The following DPP8 variants were observed in gnomAD, a reference collection of about 807,000 sequenced individuals.
DPP8 encodes the protein dipeptidyl peptidase 8, also known as DPP VIII.
DPP8 carries 31 observed loss-of-function variants against 107.5 expected under a neutral mutation model. That is an observed-to-expected ratio of 0.29 (90% CI 0.22 to 0.39). The LOEUF is 0.39. Ranked by LOEUF, DPP8 falls within the 10% of genes least tolerant of loss-of-function variation. The pLI is 1.00. For missense variants in DPP8, 842 were observed against 1,076.1 expected (o/e 0.78, Z 3.04); for synonymous variants, 381 against 356.6 (o/e 1.07, Z -0.77).
intron 15 of DPP8, among the ~76,000 whole-genome samples, chr15:65,461,342 T>A (rs1367888572): frequency 1.3e-5 from 2 of 152,028 alleles, no homozygotes; most frequent in African/African-American, 4.8e-5. Flanking sequence ...GGGGTCTCAC[T>A]TTGTTGCTCA....
At chr15:65,497,046 ATTCC>A (rs2068676139) in intron 5 of DPP8, among the ~76,000 whole-genome samples, 1 of 151,968 alleles carries the variant, frequency 6.6e-6, no homozygotes, top group Non-Finnish European at 1.5e-5. Context: ...GTGCACCACC[ATTCC>A]GGCTAATTTT....
intron 19 of DPP8, among the ~76,000 whole-genome samples, chr15:65,448,044 T>C (rs973719880): frequency 6.6e-6 from 1 of 152,132 alleles, no homozygotes; most frequent in Non-Finnish European, 1.5e-5. Flanking sequence ...CACTTTACTG[T>C]GACAGAGTAT....
At chr15:65,457,068 T>C (rs1362755215) in intron 15 of DPP8, among the ~76,000 whole-genome samples, 2 of 152,178 alleles carry the variant, frequency 1.3e-5, no homozygotes, top group African/African-American at 4.8e-5. Context: ...AAAGTCATAC[T>C]TTTGGGCTGA....
chr15:65,516,985 A>C (rs2071523714), intron 1 of DPP8: 1 of 152,716 alleles, frequency 6.5e-6, no homozygotes, highest in African/African-American at 2.4e-5. Context: ...GGTGGAACAG[A>C]ATGGGAGAGG....
At chr15:65,493,793 A>G (rs1176619214) in intron 5 of DPP8, among the ~76,000 whole-genome samples, 5 of 152,098 alleles carry the variant, frequency 3.3e-5, no homozygotes, top group Admixed American at 1.3e-4. Context: ...ATTACTTTTA[A>G]ATTCCTCTAT....
At chr15:65,464,818 A>G (rs2065202495) in intron 14 of DPP8, among the ~76,000 whole-genome samples, 1 of 152,198 alleles carries the variant, frequency 6.6e-6, no homozygotes, top group Non-Finnish European at 1.5e-5. Flanking sequence ...AGAACTATAC[A>G]GATACTTTAT....
rs2066926962 is a variant in DPP8, at chr15:65,481,564, C to G, written c.1069G>C (p.Glu357Gln). ...GCTCTGGCAATATATTCAACTCCTT[C>G]AAATAGAATCTCAAAAGGTTGAATT... is the stretch of plus-strand genomic sequence containing the variant. ...ELIQPFEILF[E>Q]GVEYIARAGW... The change falls in exon 9 of 20, where the codon GAA becomes CAA. Residue 357 changes from glutamate (E) to glutamine (Q), a missense_variant. This residue lies in a region of DPP8 where 663 missense variants were observed against 758.0 expected (regional missense o/e 0.87). Coordinates refer to ENST00000300141, the MANE Select transcript of DPP8 (RefSeq NM_130434.5). 1 of 1,592,200 alleles carries G rather than the reference C, an allele frequency of 6.3e-7. No individual in the cohort carries two copies. The highest frequency in any genetic ancestry group is 8.5e-7 in the Non-Finnish European group (1 of 1,171,462).
intron 3 of DPP8, among the ~76,000 whole-genome samples, chr15:65,503,322 T>C (rs1596105137): frequency 6.6e-6 from 1 of 152,182 alleles, no homozygotes; most frequent in South Asian, 2.1e-4. Flanking sequence ...ATGAGGCTGG[T>C]CTCAAACTCC....
chr15:65,470,710 C>T (rs1043505820), intron 12 of DPP8, among the ~76,000 whole-genome samples: 7 of 151,276 alleles, frequency 4.6e-5, no homozygotes, highest in Admixed American at 6.6e-5. Context: ...CCTGAGGTCA[C>T]GGGTTCAAGA....
At chr15:65,483,379 G>T (rs1480843979) in intron 8 of DPP8, among the ~76,000 whole-genome samples, 1 of 151,764 alleles carries the variant, frequency 6.6e-6, no homozygotes, top group Non-Finnish European at 1.5e-5. Context: ...AAAATTAGCG[G>T]GGCATGGTGG....
chr15:65,513,534 A>C (rs2071071588), intron 1 of DPP8, among the ~76,000 whole-genome samples: 1 of 152,222 alleles, frequency 6.6e-6, no homozygotes, highest in Admixed American at 6.5e-5. Context: ...ATTTTAAGGA[A>C]ATTTACATGA....
chr15:65,499,855 C>T (rs1212465750), intron 4 of DPP8, among the ~76,000 whole-genome samples: 1 of 152,146 alleles, frequency 6.6e-6, no homozygotes. Context: ...TGTGAGCCAC[C>T]ACGTCTGACC....
At chr15:65,475,331 C>G in intron 11 of DPP8, 3 of 1,133,728 alleles carry the variant, frequency 2.6e-6, no homozygotes, top group Non-Finnish European at 3.9e-6. Flanking sequence ...GCTGCTGCCC[C>G]GAGCCAGCTT....
intron 11 of DPP8, among the ~76,000 whole-genome samples, chr15:65,477,995 T>C (rs1320934144): frequency 6.6e-6 from 1 of 152,230 alleles, no homozygotes; most frequent in Non-Finnish European, 1.5e-5. Flanking sequence ...GGAAAAGTGT[T>C]CTATGTACCC....
At chr15:65,452,277 T>C (rs1201154755) in intron 17 of DPP8, among the ~76,000 whole-genome samples, 175 bp from the exon 18 acceptor site, 1 of 152,174 alleles carries the variant, frequency 6.6e-6, no homozygotes, top group African/African-American at 2.4e-5. Flanking sequence ...AGGTCAAGAA[T>C]TTGATACTCT....
At chr15:65,463,981 G>T in intron 14 of DPP8, 75 bp from the exon 15 acceptor site, 1 of 1,186,582 alleles carries the variant, frequency 8.4e-7, no homozygotes, top group Non-Finnish European at 1.1e-6. Flanking sequence ...CAAGAAACAA[G>T]ATATTAAAAG....
At chr15:65,471,513 ATTTT>A (rs35149810) in intron 12 of DPP8, among the ~76,000 whole-genome samples, 1 of 125,258 alleles carries the variant, frequency 8.0e-6, no homozygotes, top group African/African-American at 3.2e-5. Flanking sequence ...TAACCAGCCT[ATTTT>A]TTTTTTTTTT....
At chr15:65,512,734 G>T in intron 1 of DPP8, 170 bp from the exon 2 acceptor site, 2 of 642,138 alleles carry the variant, frequency 3.1e-6, no homozygotes, top group African/African-American at 1.8e-5. Flanking sequence ...TCCCTTCTCT[G>T]TGTTCAGTTT....
intron 16 of DPP8, 97 bp from the exon 17 acceptor site, chr15:65,454,512 T>C: frequency 7.4e-6 from 8 of 1,077,004 alleles, no homozygotes; most frequent in Non-Finnish European, 9.2e-6. Flanking sequence ...AAAATACCTG[T>C]AGGTGTTTTA....
Sources: gnomAD v4.1 joint callset for allele counts (sites outside exome capture counted in the v4.1 genomes callset) on GRCh38, gnomAD v4.1.1 for gene constraint, gnomAD v4.1.1 regional missense constraint, MANE v1.5 for transcripts, NCBI Gene and HGNC (gene_info 2026-07-23, HGNC 2026-07-21) for gene names.